Variants in NTM observed in about 807,000 individuals in gnomAD.
NTM encodes the protein neurotrimin, also known as IgLON family member 2.
In NTM, 13 loss-of-function variants were observed where a neutral mutation model predicts 42.1. The ratio of observed to expected loss-of-function variants is 0.31; its 90% CI spans 0.20 to 0.49. The LOEUF is 0.49. Ranked by LOEUF, NTM falls within the 20% of genes least tolerant of loss-of-function variation. The pLI is 0.99. For missense variants in NTM, 373 were observed against 452.8 expected, an observed-to-expected ratio of 0.82 and a Z score of 1.60; for synonymous variants, 187 against 179.2, an observed-to-expected ratio of 1.04 and a Z score of -0.35.
At chr11:131,664,216 A>G (rs996920722) in intron 1 of NTM, among the ~76,000 whole-genome samples, 1 of 152,260 alleles carries the variant, frequency 6.6e-6, no homozygotes, top group Non-Finnish European at 1.5e-5. Context: ...GCCCTTGGGC[A>G]ATTTATTAAG....
intron 1 of NTM, among the ~76,000 whole-genome samples, chr11:131,372,666 C>T (rs746263044): frequency 6.6e-6 from 1 of 152,118 alleles, no homozygotes; most frequent in Non-Finnish European, 1.5e-5. Flanking sequence ...GTCCCGAGAT[C>T]CATGTCTCTT....
intron 7 of NTM, among the ~76,000 whole-genome samples, chr11:132,328,776 C>G (rs1355224050): frequency 2.0e-5 from 3 of 152,100 alleles, no homozygotes; most frequent in Non-Finnish European, 2.9e-5. Context: ...TCAAAAATCA[C>G]CGGTACCTAA....
chr11:131,795,828 G>A (rs1219671033), intron 1 of NTM: 1 of 985,424 alleles, frequency 1.0e-6, no homozygotes, highest in Non-Finnish European at 1.2e-6. Context: ...GTGATGGAAT[G>A]CCTGCACCAT....
intron 1 of NTM, among the ~76,000 whole-genome samples, chr11:131,503,275 T>C (rs1265811267): frequency 2.0e-5 from 3 of 152,030 alleles, no homozygotes; most frequent in Non-Finnish European, 4.4e-5. Flanking sequence ...TGTCTGCAGG[T>C]AGACCAGCTT....
chr11:132,155,121 C>G (rs916210317), intron 3 of NTM, among the ~76,000 whole-genome samples: 2 of 151,906 alleles, frequency 1.3e-5, no homozygotes, highest in Non-Finnish European at 2.9e-5. Flanking sequence ...GGTGTTGGCT[C>G]CGTTGGGGAT....
chr11:132,118,293 G>A (rs959527589), intron 2 of NTM, among the ~76,000 whole-genome samples: 4 of 152,066 alleles, frequency 2.6e-5, no homozygotes, highest in East Asian at 1.9e-4. Context: ...CAATGCACAA[G>A]GCTTGTCTAG....
chr11:132,260,855 C>T (rs1265035811), intron 4 of NTM, among the ~76,000 whole-genome samples: 1 of 152,170 alleles, frequency 6.6e-6, no homozygotes, highest in East Asian at 1.9e-4. Flanking sequence ...AAGTCATGAG[C>T]CTCAGGCTGG....
intron 3 of NTM, among the ~76,000 whole-genome samples, chr11:132,173,562 G>T (rs542221238): frequency 2.0e-5 from 3 of 152,194 alleles, no homozygotes; most frequent in Non-Finnish European, 4.4e-5. Flanking sequence ...ACAAAGGGAT[G>T]CTAGGGTTCT....
intron 4 of NTM, among the ~76,000 whole-genome samples, chr11:132,227,142 C>T (rs1399167532): frequency 6.6e-6 from 1 of 152,072 alleles, no homozygotes; most frequent in Admixed American, 6.5e-5. Context: ...CAGTGGCACT[C>T]CAATAGTCCA....
Position 131,691,559 on chromosome 11 carries a change from C to CG in NTM, c.83-220005_83-220004insG, listed in dbSNP as rs34445450. Among the ~76,000 whole-genome samples, 169 of 91,012 alleles carry CG rather than the reference C, an allele frequency of 1.9e-3. 1 individual carries two copies. Among genetic ancestry groups the CG allele is most frequent in the African/African-American group, 8.2e-3 (162 of 19,656 alleles). The allele number at this position is 91,012 out of a possible 152,430, so 59.7% of individuals were successfully genotyped here. On this transcript the variant is annotated intron_variant, in intron 1 of 8. Transcript: ENST00000683400. ...TCCATCCCCTTGTCTTCCCTGAAAG[C>CG]CCCCCCCCGACTTCCCTTCCATGTC... is the stretch of plus-strand genomic sequence containing the variant.
At chr11:131,426,142 G>A (rs904540319) in intron 1 of NTM, among the ~76,000 whole-genome samples, 1 of 152,162 alleles carries the variant, frequency 6.6e-6, no homozygotes, top group East Asian at 1.9e-4. Flanking sequence ...GTCCTCATTA[G>A]GCCAAGAGGT....
chr11:131,588,939 G>A (rs1325217261), intron 1 of NTM, among the ~76,000 whole-genome samples: 2 of 152,196 alleles, frequency 1.3e-5, no homozygotes, highest in African/African-American at 4.8e-5. Context: ...GCATTAACAG[G>A]TGTGGCTCAT....
chr11:131,622,061 C>T (rs2062629843), intron 1 of NTM, among the ~76,000 whole-genome samples: 1 of 152,226 alleles, frequency 6.6e-6, no homozygotes, highest in South Asian at 2.1e-4. Context: ...GGCAGGCCCA[C>T]ACTGGAGAAA....
At chr11:131,597,390 C>T (rs1394067503) in intron 1 of NTM, among the ~76,000 whole-genome samples, 1 of 152,132 alleles carries the variant, frequency 6.6e-6, no homozygotes. Context: ...CTGCTTTCCC[C>T]ACCACTTTGG....
At chr11:131,372,942 G>A (rs1439929433) in intron 1 of NTM, among the ~76,000 whole-genome samples, 2 of 152,152 alleles carry the variant, frequency 1.3e-5, no homozygotes, top group African/African-American at 4.8e-5. Context: ...TGGGGTAGGG[G>A]TGGTGGCGAC....
intron 1 of NTM, among the ~76,000 whole-genome samples, chr11:131,616,464 T>A (rs556957606): frequency 4.6e-5 from 7 of 152,274 alleles, no homozygotes; most frequent in African/African-American, 1.7e-4. Flanking sequence ...CCACTGCTGA[T>A]TCTCCTGACA....
intron 1 of NTM, among the ~76,000 whole-genome samples, chr11:131,391,310 C>T (rs1354049019): frequency 6.6e-6 from 1 of 152,126 alleles, no homozygotes; most frequent in Non-Finnish European, 1.5e-5. Context: ...TGGGTGCCAC[C>T]TACACAAAGC....
intron 4 of NTM, among the ~76,000 whole-genome samples, chr11:132,236,021 C>CATACACAT (rs71477750): frequency 6.6e-6 from 1 of 150,798 alleles, no homozygotes; most frequent in African/African-American, 2.4e-5. Flanking sequence ...CACACACACA[C>CATACACAT]AACAAAATTG....
At chr11:131,467,891 A>G (rs2136155897) in intron 1 of NTM, among the ~76,000 whole-genome samples, 1 of 152,246 alleles carries the variant, frequency 6.6e-6, no homozygotes, top group East Asian at 1.9e-4. Flanking sequence ...TCTTGAAAAT[A>G]TGGGCCAGGA....
Sources: allele counts gnomAD v4.1 joint callset (sites outside exome capture counted in the v4.1 genomes callset), GRCh38; gene constraint gnomAD v4.1.1; transcripts MANE v1.5; gene names NCBI Gene and HGNC (gene_info 2026-07-23, HGNC 2026-07-21).